ANKRD28: variants seen among roughly 807,000 people sequenced by gnomAD.
ANKRD28 encodes the protein ankyrin repeat domain 28, also known as serine/threonine-protein phosphatase 6 regulatory ankyrin repeat subunit A.
Under a neutral mutation model 126.5 loss-of-function variants are expected in ANKRD28, and 44 were observed. The observed-to-expected ratio is 0.35, with a 90% CI of 0.27 to 0.45. The LOEUF (loss-of-function observed/expected upper bound fraction) is 0.45, where lower values mean the gene tolerates loss of function less well. Ranked by LOEUF, ANKRD28 falls within the 20% of genes least tolerant of loss-of-function variation. ANKRD28 has a pLI of 1.00. For synonymous variants in ANKRD28, 442 were observed against 468.5 expected (o/e 0.94, Z 0.73); for missense variants, 1,110 against 1,316.6 (o/e 0.84, Z 2.43).
chr3:15,685,847 T>C (rs948183206), intron 20 of ANKRD28, among the ~76,000 whole-genome samples, 155 bp downstream of exon 20: 5 of 152,228 alleles, frequency 3.3e-5, no homozygotes, highest in African/African-American at 1.2e-4. Flanking sequence ...CTGTAATTGT[T>C]CAAAATTAGC....
chr3:15,724,447 G>C lies in ANKRD28; in HGVS notation c.718C>G (p.Leu240Val). Residue 240 changes from leucine (L) to valine (V), a missense_variant, in exon 7 of 28, where the codon CTT becomes GTT. By Grantham distance (32) the Leu-to-Val change is conservative. Coordinates refer to ENST00000683139, the MANE Select transcript of ANKRD28 (RefSeq NM_001349278.2). ...ATTCCACTAGAGGCTGCTGCATGAA[G>C]AGGTGTATAAGACTTTTTATCCTTG... ...TCKDKKSYTP[L>V]HAAASSGMIS... 6.2e-7 allele frequency: 1 copy of C among 1,602,744 alleles called. No individual in the cohort carries two copies. The highest frequency in any genetic ancestry group is 1.3e-5 in the African/African-American group (1 of 74,904).
At chr3:15,771,398 A>G (rs1315124832) in intron 2 of ANKRD28, among the ~76,000 whole-genome samples, 2 of 137,648 alleles carry the variant, frequency 1.5e-5, no homozygotes, top group Admixed American at 7.6e-5. Flanking sequence ...TGACAGAGCA[A>G]AACTCTGTCT....
At chr3:15,792,251 C>T (rs1003442644) in intron 2 of ANKRD28, among the ~76,000 whole-genome samples, 1 of 152,088 alleles carries the variant, frequency 6.6e-6, no homozygotes, top group African/African-American at 2.4e-5. Flanking sequence ...ATCAGTGTAT[C>T]GAAGAGATCT....
At position 15,839,444 on chromosome 3, in the gene ANKRD28, A is replaced by G. The variant is rs949613929; in HGVS notation, c.27+19933T>C. Among the ~76,000 whole-genome samples, 1 of 152,236 alleles carries G rather than the reference A, an allele frequency of 6.6e-6. No individual in the cohort carries two copies. Among genetic ancestry groups the G allele is most frequent in the African/African-American group, 2.4e-5 (1 of 41,458 alleles). ...GGAAGATTTTCTGACATGTTGATTC[A>G]GCACACAGGAACACCAAACCAATGA... On this transcript the variant is annotated intron_variant, in intron 1 of 27. Transcript: ENST00000399451. This position sits in a 1 kb window ranked among gnomAD's most constrained non-coding sequence, Gnocchi z 4.3.
At position 15,796,698 on chromosome 3, in the gene ANKRD28, T is replaced by C; in HGVS notation, c.-177A>G. 1.0e-6 allele frequency: 1 copy of C among 984,418 alleles called. No individual in the cohort carries two copies. Among genetic ancestry groups the C allele is most frequent in the Non-Finnish European group, 1.2e-6 (1 of 824,004 alleles). 61.0% of individuals were successfully genotyped at this position (984,418 alleles called of 1,614,324 possible). ...TACTGGAAAAACAAGTTTAAAATTA[T>C]GACTACATAATTTGTAACTTCCTAA... On this transcript the variant is annotated 5_prime_UTR_variant, in exon 1 of 28. Coordinates refer to ENST00000683139, the MANE Select transcript of ANKRD28 (RefSeq NM_001349278.2).
chr3:15,785,538 T>C (rs2059736940), intron 2 of ANKRD28, among the ~76,000 whole-genome samples: 1 of 151,928 alleles, frequency 6.6e-6, no homozygotes. Flanking sequence ...ATTAGAATGG[T>C]CAAAATCCAG....
At chr3:15,826,084 A>C (rs1028924384) in intron 1 of ANKRD28, among the ~76,000 whole-genome samples, 1 of 152,180 alleles carries the variant, frequency 6.6e-6, no homozygotes, top group Non-Finnish European at 1.5e-5. Context: ...TTACCTCCAC[A>C]TATCTATCTC....
At chr3:15,832,783 T>C (rs1218588275) in intron 1 of ANKRD28, among the ~76,000 whole-genome samples, 1 of 152,212 alleles carries the variant, frequency 6.6e-6, no homozygotes, top group Non-Finnish European at 1.5e-5. Flanking sequence ...AAAGACATGA[T>C]TTCATTCTTT....
chr3:15,755,715 G>A (rs144334745), intron 3 of ANKRD28, among the ~76,000 whole-genome samples: 355 of 152,220 alleles, frequency 2.3e-3, no homozygotes, highest in African/African-American at 7.9e-3. Flanking sequence ...ACCAAATGTC[G>A]TTAACCGCCT....
intron 14 of ANKRD28, chr3:15,697,459 C>A (rs187531985): frequency 2.6e-5 from 4 of 152,046 alleles, no homozygotes; most frequent in African/African-American, 9.6e-5. Flanking sequence ...CACCTGTTCC[C>A]CAGGAACTAT....
intron 14 of ANKRD28, among the ~76,000 whole-genome samples, chr3:15,700,693 G>T (rs191957746): frequency 2.8e-4 from 42 of 152,290 alleles, no homozygotes; most frequent in African/African-American, 9.4e-4. Flanking sequence ...AGAATTGCTT[G>T]AACTCAGGAG....
At chr3:15,779,019 G>GC (rs945316845) in intron 2 of ANKRD28, among the ~76,000 whole-genome samples, 2 of 152,050 alleles carry the variant, frequency 1.3e-5, no homozygotes, top group African/African-American at 4.8e-5. Flanking sequence ...GTTTCCTGAG[G>GC]CCCCCACAGC....
intron 1 of ANKRD28, among the ~76,000 whole-genome samples, chr3:15,857,040 C>G (rs985142783): frequency 9.2e-5 from 14 of 152,210 alleles, no homozygotes; most frequent in Admixed American, 6.5e-4. Flanking sequence ...TCTAGCTGAC[C>G]TGCTTTTCCT....
chr3:15,701,263 T>C (rs1457271987), intron 14 of ANKRD28, among the ~76,000 whole-genome samples: 5 of 152,206 alleles, frequency 3.3e-5, no homozygotes, highest in African/African-American at 9.7e-5. Context: ...CATTGTAATA[T>C]CTTCAATGGC....
chr3:15,844,444 C>T (rs1463581641), intron 1 of ANKRD28, among the ~76,000 whole-genome samples: 1 of 149,348 alleles, frequency 6.7e-6, no homozygotes, highest in Non-Finnish European at 1.5e-5. Flanking sequence ...AAGTTGTGGT[C>T]AGAGAAAAAA....
At chr3:15,720,811 T>C in intron 8 of ANKRD28, 104 bp downstream of exon 8, 1 of 1,018,682 alleles carries the variant, frequency 9.8e-7, no homozygotes, top group Non-Finnish European at 1.4e-6. Flanking sequence ...ATCCATGTTC[T>C]TGAGTTTATC....
rs142016887 is a variant in ANKRD28, at chr3:15,729,709, T to G, written c.641-5185A>C. ...AGAGGCACCCCTCCCTCAAAAAAAT[T>G]AAGCCAAGATACTGCAAGACGCATA... On this transcript the variant is annotated intron_variant, in intron 6 of 27. Coordinates refer to ENST00000683139, the MANE Select transcript of ANKRD28 (RefSeq NM_001349278.2). Among the ~76,000 whole-genome samples, 415 of 152,202 alleles carry G rather than the reference T, an allele frequency of 2.7e-3. 1 individual carries two copies. Among genetic ancestry groups the G allele is most frequent in the African/African-American group, 9.7e-3 (401 of 41,528 alleles).
intron 2 of ANKRD28, among the ~76,000 whole-genome samples, chr3:15,768,250 ATCCCTTAATTACTT>A (rs1225183580): frequency 6.6e-6 from 1 of 152,210 alleles, no homozygotes; most frequent in Non-Finnish European, 1.5e-5. Context: ...TTGTTTAGGA[ATCCCTTAATTACTT>A]TAAGAAAAAA....
chr3:15,766,207 GTTC>G (rs1352527162), intron 3 of ANKRD28, 24 bp downstream of exon 3: 1 of 1,540,386 alleles, frequency 6.5e-7, no homozygotes, highest in East Asian at 2.2e-5. Context: ...TACATAATGT[GTTC>G]TTATTACTCA....
Sources: gnomAD v4.1 joint callset for allele counts (sites outside exome capture counted in the v4.1 genomes callset) on GRCh38, gnomAD v4.1.1 for gene constraint, Gnocchi (gnomAD v3.1) non-coding constraint, MANE v1.5 for transcripts, NCBI Gene and HGNC (gene_info 2026-07-23, HGNC 2026-07-21) for gene names.